The following FGF12 variants were observed in gnomAD, a reference collection of about 807,000 sequenced individuals.
The protein encoded by FGF12 is fibroblast growth factor 12B.
A neutral mutation model predicts 23.6 loss-of-function variants in FGF12; 14 were observed. The ratio of observed to expected loss-of-function variants is 0.59; its 90% CI spans 0.39 to 0.93. FGF12 has a LOEUF of 0.93. Ranked by LOEUF, FGF12 falls within the 40% of genes least tolerant of loss-of-function variation. The pLI is 0.00. For synonymous variants in FGF12, 62 were observed against 77.3 expected (o/e 0.80, Z 1.04); for missense variants, 175 against 217.8 (o/e 0.80, Z 1.24).
intron 4 of FGF12, among the ~76,000 whole-genome samples, chr3:192,193,457 G>A (rs1716906715): frequency 6.6e-6 from 1 of 152,130 alleles, no homozygotes; most frequent in Admixed American, 6.5e-5. Flanking sequence ...CCTCAGCAGT[G>A]ATCCAAGTTT....
chr3:192,146,450 T>A (rs868668679), intron 5 of FGF12, among the ~76,000 whole-genome samples: 1 of 152,032 alleles, frequency 6.6e-6, no homozygotes, highest in Non-Finnish European at 1.5e-5. Context: ...TTTGTATTTT[T>A]AGCAGAGATG....
At chr3:192,349,952 G>C (rs900339335) in intron 3 of FGF12, among the ~76,000 whole-genome samples, 1 of 152,046 alleles carries the variant, frequency 6.6e-6, no homozygotes, top group Non-Finnish European at 1.5e-5. Context: ...AGACATAGCA[G>C]TACAAAATGC....
At chr3:192,181,568 T>A (rs1232408656) in intron 4 of FGF12, among the ~76,000 whole-genome samples, 1 of 151,714 alleles carries the variant, frequency 6.6e-6, no homozygotes, top group Non-Finnish European at 1.5e-5. Flanking sequence ...CATGGTCAGT[T>A]ACGCAGATAG....
At chr3:192,699,710 G>C (rs1718234026) in intron 2 of FGF12, among the ~76,000 whole-genome samples, 1 of 152,088 alleles carries the variant, frequency 6.6e-6, no homozygotes, top group Admixed American at 6.6e-5. Context: ...ATTTTGTGTA[G>C]TCAACTCTAA....
chr3:192,568,129 G>T (rs13099236), intron 2 of FGF12, among the ~76,000 whole-genome samples: 6 of 151,774 alleles, frequency 4.0e-5, no homozygotes, highest in African/African-American at 1.2e-4. Flanking sequence ...ACCATGCCCC[G>T]CCCTTTGCAT....
intron 2 of FGF12, among the ~76,000 whole-genome samples, chr3:192,552,360 G>A (rs1291442126): frequency 6.6e-6 from 1 of 152,000 alleles, no homozygotes; most frequent in East Asian, 1.9e-4. Flanking sequence ...AGAAAAGGTA[G>A]GGAGAGAAAA....
chr3:192,191,760 C>G (rs952197697), intron 4 of FGF12, among the ~76,000 whole-genome samples: 1 of 151,158 alleles, frequency 6.6e-6, no homozygotes, highest in Non-Finnish European at 1.5e-5. Flanking sequence ...GGCACGAACC[C>G]GGGAGGTGGA....
At chr3:192,323,096 A>C (rs1319820262) in intron 4 of FGF12, among the ~76,000 whole-genome samples, 1 of 152,218 alleles carries the variant, frequency 6.6e-6, no homozygotes, top group Non-Finnish European at 1.5e-5. Context: ...GATGTGAAGA[A>C]AGGGAAAACT....
intron 4 of FGF12, among the ~76,000 whole-genome samples, chr3:192,279,530 C>T (rs1344307899): frequency 6.6e-6 from 1 of 151,998 alleles, no homozygotes; most frequent in East Asian, 1.9e-4. Context: ...AAGTTCACAG[C>T]CAGCAAGTGA....
At chr3:192,174,700 CTT>C (rs35576382) in intron 4 of FGF12, among the ~76,000 whole-genome samples, 1 of 142,414 alleles carries the variant, frequency 7.0e-6, no homozygotes, top group South Asian at 2.2e-4. Context: ...TATTATGCCT[CTT>C]TTTTTTTTGT....
intron 2 of FGF12, among the ~76,000 whole-genome samples, chr3:192,567,299 T>A (rs1013543036): frequency 1.3e-5 from 2 of 151,910 alleles, no homozygotes; most frequent in African/African-American, 4.8e-5. Flanking sequence ...TTAATAGAAC[T>A]GGGAATTTTT....
intron 4 of FGF12, among the ~76,000 whole-genome samples, chr3:192,201,575 C>A (rs1419715679): frequency 6.6e-6 from 1 of 152,182 alleles, no homozygotes; most frequent in Non-Finnish European, 1.5e-5. Context: ...CATCTTGTAA[C>A]CCGCAGAGCT....
intron 3 of FGF12, among the ~76,000 whole-genome samples, chr3:192,339,835 G>A (rs575292851): frequency 3.3e-5 from 5 of 152,162 alleles, no homozygotes; most frequent in African/African-American, 9.6e-5. Context: ...GACTCTTGAG[G>A]GTAGTTGCTG....
intron 4 of FGF12, among the ~76,000 whole-genome samples, chr3:192,216,570 C>A (rs1442574630): frequency 6.6e-6 from 1 of 151,974 alleles, no homozygotes; most frequent in Non-Finnish European, 1.5e-5. Context: ...CTTTAAAATG[C>A]TACATAATCA....
At chr3:192,529,449 T>C (rs1191010845) in intron 2 of FGF12, among the ~76,000 whole-genome samples, 1 of 152,246 alleles carries the variant, frequency 6.6e-6, no homozygotes, top group Non-Finnish European at 1.5e-5. Context: ...AGTTCCAAAC[T>C]GTCCCACATT....
At chr3:192,308,348 CAAA>C (rs1436422426) in intron 4 of FGF12, among the ~76,000 whole-genome samples, 1 of 152,006 alleles carries the variant, frequency 6.6e-6, no homozygotes, top group African/African-American at 2.4e-5. Flanking sequence ...GATCTAATGG[CAAA>C]ACAAACAAAA....
At chr3:192,477,792 AATG>A in intron 2 of FGF12, among the ~76,000 whole-genome samples, 1 of 152,324 alleles carries the variant, frequency 6.6e-6, no homozygotes, top group East Asian at 1.9e-4. Flanking sequence ...ACATATTTAT[AATG>A]ATAGTTTAAT....
intron 2 of FGF12, among the ~76,000 whole-genome samples, chr3:192,472,088 C>T (rs900075104): frequency 5.9e-5 from 9 of 151,604 alleles, no homozygotes; most frequent in African/African-American, 1.9e-4. Flanking sequence ...GTGATCTCGG[C>T]TCACTGCAAC....
chr3:192,169,236 G>A (rs1208791808), intron 5 of FGF12, among the ~76,000 whole-genome samples: 3 of 152,132 alleles, frequency 2.0e-5, no homozygotes, highest in South Asian at 2.1e-4. Flanking sequence ...AGCTACCCAG[G>A]AGGCTGAAGA....
Sources: gnomAD v4.1 joint callset for allele counts (sites outside exome capture counted in the v4.1 genomes callset) on GRCh38, gnomAD v4.1.1 for gene constraint, MANE v1.5 for transcripts, NCBI Gene and HGNC (gene_info 2026-07-23, HGNC 2026-07-21) for gene names.